Variants in HCN1 observed in about 807,000 individuals in gnomAD.
The protein encoded by HCN1 is potassium/sodium hyperpolarization-activated cyclic nucleotide-gated channel 1.
HCN1 carries 13 observed loss-of-function variants against 78.9 expected under a neutral mutation model. The observed-to-expected ratio is 0.16, with a 90% CI of 0.11 to 0.26. The LOEUF (loss-of-function observed/expected upper bound fraction) is 0.26, where lower values mean the gene tolerates loss of function less well. Among genes scored for constraint, HCN1 ranks in the 10% least tolerant of loss-of-function variants. The pLI is 1.00. For synonymous variants in HCN1, 552 were observed against 455.5 expected (o/e 1.21, Z -2.70); for missense variants, 810 against 1,154.3 (o/e 0.70, Z 4.32).
chr5:45,299,156 A>C (rs776126995), intron 6 of HCN1, among the ~76,000 whole-genome samples: 1 of 152,070 alleles, frequency 6.6e-6, no homozygotes, highest in Non-Finnish European at 1.5e-5. Context: ...AGGTGGTATT[A>C]TGTATCAGAT....
Position 45,447,548 on chromosome 5 carries a change from A to T in HCN1, c.1011+14298T>A, listed in dbSNP as rs142227878. 4.5e-3 allele frequency among the ~76,000 whole-genome samples: 691 copies of T among 152,292 alleles called. 1 individual carries two copies. The highest frequency in any genetic ancestry group is 8.4e-3 in the Admixed American group (128 of 15,296). On this transcript the variant is annotated intron_variant, in intron 3 of 7. Coordinates refer to ENST00000303230, the MANE Select transcript of HCN1 (RefSeq NM_021072.4). ...ATGAGCCACTCACCCGGCCCAGGTT[A>T]TTATTAATATGTTGAAAATAACTCC...
intron 2 of HCN1, among the ~76,000 whole-genome samples, chr5:45,510,500 A>G (rs1742392652): frequency 1.3e-5 from 2 of 152,106 alleles, no homozygotes; most frequent in African/African-American, 4.8e-5. Context: ...ATTTGATTAG[A>G]GGTAAGTGTC....
Position 45,696,176 on chromosome 5 carries a change from G to A in HCN1, c.-83C>T. On this transcript the variant is annotated 5_prime_UTR_variant, in exon 1 of 8. Coordinates refer to ENST00000303230, the MANE Select transcript of HCN1 (RefSeq NM_021072.4). ...CGGAGACACGTAGCCGAGAGGGTAG[G>A]GGCCCGAGCCGGCTGCCGGCGAGCC... The A allele has an allele frequency of 2.2e-6, 2 of 907,392 alleles. No homozygotes were observed. Among genetic ancestry groups the A allele is most frequent in the Non-Finnish European group, 2.7e-6 (2 of 730,216 alleles). 56.2% of individuals were successfully genotyped at this position (907,392 alleles called of 1,614,324 possible).
intron 5 of HCN1, among the ~76,000 whole-genome samples, chr5:45,314,979 C>T (rs1745947676): frequency 6.6e-6 from 1 of 152,104 alleles, no homozygotes; most frequent in African/African-American, 2.4e-5. Flanking sequence ...ACTTTAACAT[C>T]CCACTGTCAA....
At chr5:45,525,409 A>C (rs1452786855) in intron 2 of HCN1, among the ~76,000 whole-genome samples, 1 of 151,854 alleles carries the variant, frequency 6.6e-6, no homozygotes, top group Non-Finnish European at 1.5e-5. Context: ...AAACTGGGTA[A>C]CATTTTATTT....
At chr5:45,358,008 T>C (rs879679870) in intron 4 of HCN1, among the ~76,000 whole-genome samples, 2 of 152,002 alleles carry the variant, frequency 1.3e-5, no homozygotes, top group Admixed American at 6.6e-5. Flanking sequence ...CCTGCTCCCC[T>C]TCACTTTCTG....
intron 2 of HCN1, among the ~76,000 whole-genome samples, chr5:45,577,136 C>T (rs1005461267): frequency 6.6e-6 from 1 of 152,030 alleles, no homozygotes; most frequent in Non-Finnish European, 1.5e-5. Context: ...ATATTATTAA[C>T]CTGCTAGTAC....
At chr5:45,406,651 T>C (rs1579873660) in intron 3 of HCN1, among the ~76,000 whole-genome samples, 1 of 152,322 alleles carries the variant, frequency 6.6e-6, no homozygotes, top group East Asian at 1.9e-4. Flanking sequence ...ATTATACTTT[T>C]ATATGAATAA....
chr5:45,648,787 C>T (rs1442754379), intron 1 of HCN1, among the ~76,000 whole-genome samples: 1 of 151,852 alleles, frequency 6.6e-6, no homozygotes, highest in East Asian at 2.0e-4. Flanking sequence ...TCCCCTCCTT[C>T]CATTCTTATT....
chr5:45,374,335 TTATATA>T (rs1378456278), intron 4 of HCN1, among the ~76,000 whole-genome samples: 1 of 138,616 alleles, frequency 7.2e-6, no homozygotes, highest in Admixed American at 8.2e-5. Flanking sequence ...ATTATATACA[TTATATA>T]TATATAATAT....
chr5:45,286,111 C>T (rs1003675836), intron 6 of HCN1, among the ~76,000 whole-genome samples: 1 of 151,752 alleles, frequency 6.6e-6, no homozygotes, highest in Non-Finnish European at 1.5e-5. Flanking sequence ...AAAAAGTTGA[C>T]AGATATAGGA....
intron 2 of HCN1, among the ~76,000 whole-genome samples, chr5:45,496,265 G>T (rs1742026720): frequency 1.4e-5 from 2 of 144,320 alleles, no homozygotes; most frequent in Non-Finnish European, 1.5e-5. Flanking sequence ...ATTGATTATT[G>T]CCACAATTTC....
chr5:45,290,005 C>A (rs552221297), intron 6 of HCN1, among the ~76,000 whole-genome samples: 219 of 152,056 alleles, frequency 1.4e-3, no homozygotes, highest in African/African-American at 4.0e-3. Context: ...TTGTAGCTCC[C>A]ATAATTCCCA....
At chr5:45,303,550 A>C (rs1745670123) in intron 6 of HCN1, 49 bp downstream of exon 6, 4 of 1,603,160 alleles carry the variant, frequency 2.5e-6, no homozygotes, top group Non-Finnish European at 3.4e-6. Context: ...TTAAAGATAC[A>C]AATCTCAAGC....
chr5:45,446,369 A>G (rs914877900), intron 3 of HCN1, among the ~76,000 whole-genome samples: 2 of 152,190 alleles, frequency 1.3e-5, no homozygotes, highest in African/African-American at 4.8e-5. Flanking sequence ...CAAAGCCTCC[A>G]AGAAATATGG....
intron 4 of HCN1, among the ~76,000 whole-genome samples, chr5:45,376,814 A>T (rs1261026890): frequency 1.3e-5 from 2 of 152,056 alleles, no homozygotes; most frequent in East Asian, 1.9e-4. Flanking sequence ...TCTGTGAATT[A>T]TCTGTCATAT....
chr5:45,372,948 A>C (rs951369388), intron 4 of HCN1, among the ~76,000 whole-genome samples: 1 of 141,798 alleles, frequency 7.1e-6, no homozygotes, highest in East Asian at 2.1e-4. Flanking sequence ...AAAATATATA[A>C]GTATTTTATA....
chr5:45,338,935 T>G (rs1035010052), intron 5 of HCN1, among the ~76,000 whole-genome samples: 1 of 152,196 alleles, frequency 6.6e-6, no homozygotes, highest in African/African-American at 2.4e-5. Flanking sequence ...TCAAATAAAC[T>G]GTTAACTTAT....
At chr5:45,669,927 A>C (rs1006535924) in intron 1 of HCN1, among the ~76,000 whole-genome samples, 1 of 151,774 alleles carries the variant, frequency 6.6e-6, no homozygotes, top group Non-Finnish European at 1.5e-5. Context: ...TTATTTATTT[A>C]GATGAGTTTA....
Sources: gnomAD v4.1 joint callset for allele counts (sites outside exome capture counted in the v4.1 genomes callset) on GRCh38, gnomAD v4.1.1 for gene constraint, MANE v1.5 for transcripts, NCBI Gene and HGNC (gene_info 2026-07-23, HGNC 2026-07-21) for gene names.